Variants in PDE1C observed in about 807,000 individuals in gnomAD.
The protein encoded by PDE1C is dual specificity calcium/calmodulin-dependent 3',5'-cyclic nucleotide phosphodiesterase 1C.
A neutral mutation model predicts 93.1 loss-of-function variants in PDE1C; 62 were observed. The observed-to-expected ratio is 0.67, with a 90% CI of 0.54 to 0.82. The LOEUF (loss-of-function observed/expected upper bound fraction) is 0.82. PDE1C is among the 40% of genes least tolerant of loss of function. The pLI is 0.00. For missense variants in PDE1C, 742 were observed against 884.6 expected, an observed-to-expected ratio of 0.84 and a Z score of 2.04; for synonymous variants, 325 against 310.1, an observed-to-expected ratio of 1.05 and a Z score of -0.50.
At chr7:32,415,654 G>A (rs996621015) in intron 1 of PDE1C, among the ~76,000 whole-genome samples, 4 of 152,092 alleles carry the variant, frequency 2.6e-5, no homozygotes, top group East Asian at 1.9e-4. Context: ...CTACATTAGG[G>A]AGCCTGAATC....
At chr7:32,340,692 A>G (rs770864788) in intron 1 of PDE1C, among the ~76,000 whole-genome samples, 2 of 152,230 alleles carry the variant, frequency 1.3e-5, no homozygotes, top group Non-Finnish European at 2.9e-5. Flanking sequence ...CCATGAAAAG[A>G]CATTGAAGAA....
intron 1 of PDE1C, among the ~76,000 whole-genome samples, chr7:32,379,127 G>A (rs1029904641): frequency 2.0e-5 from 3 of 152,170 alleles, no homozygotes; most frequent in African/African-American, 4.8e-5. Context: ...TGAAAGACGT[G>A]CAGTTCCCTG....
chr7:31,807,823 G>A (rs558874194), intron 16 of PDE1C, among the ~76,000 whole-genome samples: 68 of 151,882 alleles, frequency 4.5e-4, no homozygotes, highest in Non-Finnish European at 8.4e-4. Context: ...CTCAGAGACT[G>A]TCATTCTAAA....
chr7:31,637,705 T>C, the PDE1C span, among the ~76,000 whole-genome samples: 10,641 of 152,274 alleles, frequency 0.07, 518 homozygotes, highest in Non-Finnish European at 0.11. Context: ...ACTCTGATGG[T>C]AGTTTCTATT....
upstream of PDE1C, chr7:32,070,956 C>A: frequency 1.0e-6 from 1 of 985,590 alleles, no homozygotes; most frequent in Non-Finnish European, 1.2e-6. Context: ...TGCCTTCGCG[C>A]CCCTCTGTTT....
At chr7:31,712,957 G>A in the PDE1C span, among the ~76,000 whole-genome samples, 1 of 152,134 alleles carries the variant, frequency 6.6e-6, no homozygotes, top group Admixed American at 6.5e-5. Context: ...AATTCAAGAT[G>A]AGATTTGGGG....
At chr7:32,287,945 G>A (rs1812096302) in intron 1 of PDE1C, among the ~76,000 whole-genome samples, 2 of 152,184 alleles carry the variant, frequency 1.3e-5, no homozygotes, top group African/African-American at 4.8e-5. Flanking sequence ...CCTCACACCT[G>A]TAATCCCAAC....
chr7:32,028,641 A>G (rs962572716), intron 2 of PDE1C, among the ~76,000 whole-genome samples: 3 of 152,126 alleles, frequency 2.0e-5, no homozygotes, highest in African/African-American at 7.2e-5. Context: ...AACAATGTGG[A>G]ATAATTAAAT....
At position 31,816,047 on chromosome 7, in the gene PDE1C, C is replaced by A. The variant is rs781295533; in HGVS notation, c.1690G>T (p.Ala564Ser). 3.7e-5 allele frequency: 59 copies of A among 1,613,900 alleles called. No individual in the cohort carries two copies. Among genetic ancestry groups the A allele is most frequent in the Admixed American group, 5.0e-5 (3 of 59,982 alleles). Reference protein sequence around the residue: ...SQAEEGASGKAEKKTSGETKN... With the variant: ...SQAEEGASGKSEKKTSGETKN... ...GTTTCTCCAGACGTCTTTTTCTCAGCTTTGCCAGATGCGCCTTCTTCAGCC... is the reference window on the plus strand; with the variant it reads ...GTTTCTCCAGACGTCTTTTTCTCAGATTTGCCAGATGCGCCTTCTTCAGCC... The change falls in exon 15 of 18, where the codon GCT (alanine) becomes TCT (serine). Residue 564 changes from alanine to serine, a missense_variant. By Grantham distance (99) the Ala-to-Ser change is moderately conservative. Transcript: ENST00000396191.
At chr7:31,661,313 A>C in the PDE1C span, among the ~76,000 whole-genome samples, 1 of 152,160 alleles carries the variant, frequency 6.6e-6, no homozygotes, top group African/African-American at 2.4e-5. Flanking sequence ...AATAAAGAAA[A>C]TGTTAAGACA....
At chr7:32,387,909 C>A (rs1234874056) in intron 1 of PDE1C, among the ~76,000 whole-genome samples, 3 of 152,146 alleles carry the variant, frequency 2.0e-5, no homozygotes, top group Non-Finnish European at 2.9e-5. Context: ...CTTTTTCTTT[C>A]AAAAGGCAGC....
At chr7:31,829,285 T>C (rs1300316580) in intron 11 of PDE1C, among the ~76,000 whole-genome samples, 1 of 152,102 alleles carries the variant, frequency 6.6e-6, no homozygotes, top group Non-Finnish European at 1.5e-5. Flanking sequence ...GATAGTAATC[T>C]CTACCTCATA....
intron 1 of PDE1C, among the ~76,000 whole-genome samples, chr7:32,361,490 T>C (rs557722625): frequency 2.3e-3 from 357 of 152,318 alleles, no homozygotes; most frequent in African/African-American, 8.3e-3. Context: ...TTTTAAGCAA[T>C]ATGTTGGGAA....
At chr7:31,910,569 T>A (rs540499162) in intron 2 of PDE1C, among the ~76,000 whole-genome samples, 1 of 152,230 alleles carries the variant, frequency 6.6e-6, no homozygotes, top group South Asian at 2.1e-4. Flanking sequence ...AGGAAACTAA[T>A]GAACATGATT....
intron 3 of PDE1C, among the ~76,000 whole-genome samples, chr7:32,152,271 C>T (rs913267223): frequency 2.6e-5 from 4 of 152,110 alleles, no homozygotes; most frequent in Admixed American, 6.6e-5. Context: ...TGTCCTTGGG[C>T]GTGGCATATA....
chr7:32,065,964 G>C (rs1443410570), intron 1 of PDE1C, among the ~76,000 whole-genome samples: 2 of 152,226 alleles, frequency 1.3e-5, no homozygotes, highest in Non-Finnish European at 2.9e-5. Context: ...GGACCTCCAG[G>C]AGCTGACCCA....
At chr7:32,030,425 T>C (rs1790157987) in intron 2 of PDE1C, among the ~76,000 whole-genome samples, 1 of 152,136 alleles carries the variant, frequency 6.6e-6, no homozygotes, top group Non-Finnish European at 1.5e-5. Flanking sequence ...CACGTGGATA[T>C]ATCCTTGAAT....
intron 1 of PDE1C, among the ~76,000 whole-genome samples, chr7:32,378,811 C>A (rs189316335): frequency 1.8e-3 from 268 of 152,326 alleles, no homozygotes; most frequent in African/African-American, 6.1e-3. Context: ...CCTTGAAAAA[C>A]CCCTAACCTC....
At chr7:32,400,741 G>A (rs58679474) in intron 1 of PDE1C, among the ~76,000 whole-genome samples, 5,897 of 152,298 alleles carry the variant, frequency 0.039, 276 homozygotes, top group African/African-American at 0.12. Flanking sequence ...CAAGCCAGAT[G>A]ATGGAAATGA....
Sources: gnomAD v4.1 joint callset for allele counts (sites outside exome capture counted in the v4.1 genomes callset) on GRCh38, gnomAD v4.1.1 for gene constraint, MANE v1.5 for transcripts, NCBI Gene and HGNC (gene_info 2026-07-23, HGNC 2026-07-21) for gene names.